Variants in LRBA observed in about 807,000 individuals in gnomAD.
LRBA encodes lipopolysaccharide-responsive and beige-like anchor protein.
A neutral mutation model predicts 330.0 loss-of-function variants in LRBA; 176 were observed. That is an observed-to-expected ratio of 0.53 (90% CI 0.47 to 0.60). The LOEUF (loss-of-function observed/expected upper bound fraction) is 0.60, where lower values mean the gene tolerates loss of function less well. Among genes scored for constraint, LRBA ranks in the 20% least tolerant of loss-of-function variants. The probability of loss-of-function intolerance (pLI) is 0.00; values close to 1 mark genes in which losing one functional copy is unlikely to be tolerated. For synonymous variants in LRBA, 1,230 were observed against 1,193.0 expected, an observed-to-expected ratio of 1.03 and a Z score of -0.64; for missense variants, 3,259 against 3,444.8, an observed-to-expected ratio of 0.95 and a Z score of 1.35.
chr4:150,314,286 T>C (rs1432762467), intron 51 of LRBA, among the ~76,000 whole-genome samples: 1 of 152,152 alleles, frequency 6.6e-6, no homozygotes, highest in Non-Finnish European at 1.5e-5. Context: ...TTTTAGTTTT[T>C]TTAATATATG....
chr4:150,283,430 C>T (rs912967322), intron 54 of LRBA, among the ~76,000 whole-genome samples: 1 of 152,144 alleles, frequency 6.6e-6, no homozygotes, highest in African/African-American at 2.4e-5. Flanking sequence ...GAATAAGGAA[C>T]AAAAATTGCT....
intron 2 of LRBA, among the ~76,000 whole-genome samples, chr4:150,929,305 T>TAG (rs1313130866): frequency 6.6e-6 from 1 of 152,182 alleles, no homozygotes; most frequent in East Asian, 1.9e-4. Context: ...TAGGATGTCT[T>TAG]AGGTAAATTG....
At chr4:150,800,672 C>T (rs1386727111) in intron 33 of LRBA, among the ~76,000 whole-genome samples, 1 of 152,192 alleles carries the variant, frequency 6.6e-6, no homozygotes, top group South Asian at 2.1e-4. Flanking sequence ...CACAAACACA[C>T]ACACCCTATT....
chr4:150,531,338 C>A (rs917023697), intron 40 of LRBA, among the ~76,000 whole-genome samples: 3 of 152,180 alleles, frequency 2.0e-5, no homozygotes, highest in African/African-American at 7.2e-5. Flanking sequence ...CCATTCCAGT[C>A]ACATTCCTCC....
intron 28 of LRBA, among the ~76,000 whole-genome samples, chr4:150,839,646 CA>C (rs1264823431): frequency 6.6e-6 from 1 of 152,136 alleles, no homozygotes; most frequent in African/African-American, 2.4e-5. Context: ...GACAAAAAAC[CA>C]AACACTGCAT....
intron 40 of LRBA, among the ~76,000 whole-genome samples, chr4:150,496,426 A>T (rs1269118766): frequency 6.6e-6 from 1 of 152,106 alleles, no homozygotes; most frequent in African/African-American, 2.4e-5. Flanking sequence ...AGGGATTTTT[A>T]AAAAGTAGAT....
intron 45 of LRBA, 59 bp from the exon 46 acceptor site, chr4:150,435,767 T>C: frequency 1.4e-6 from 2 of 1,410,484 alleles, no homozygotes; most frequent in South Asian, 2.7e-5. Context: ...ATGTGGTTTT[T>C]ATAAATTCTT....
intron 46 of LRBA, among the ~76,000 whole-genome samples, chr4:150,432,536 C>A (rs1415258715): frequency 7.2e-6 from 1 of 138,000 alleles, no homozygotes; most frequent in Non-Finnish European, 1.5e-5. Flanking sequence ...CGGCTCACTG[C>A]AAGCTCCGCC....
At chr4:151,012,957 G>A (rs1163158678) in intron 2 of LRBA, 1 of 151,966 alleles carries the variant, frequency 6.6e-6, no homozygotes, top group Non-Finnish European at 1.5e-5. Context: ...TAGAGATGGG[G>A]TTTCACCATG....
At chr4:150,475,261 T>C (rs562682151) in intron 42 of LRBA, among the ~76,000 whole-genome samples, 27 of 152,304 alleles carry the variant, frequency 1.8e-4, no homozygotes, top group African/African-American at 6.5e-4. Context: ...GTAATGTCTT[T>C]GTCTGGCAGT....
chr4:150,609,572 T>TCG (rs1470786298), intron 37 of LRBA, among the ~76,000 whole-genome samples: 1 of 152,220 alleles, frequency 6.6e-6, no homozygotes, highest in Non-Finnish European at 1.5e-5. Flanking sequence ...TGGTGCAAGA[T>TCG]TTCTTATTAC....
At chr4:150,974,365 T>C (rs1372622934) in intron 2 of LRBA, among the ~76,000 whole-genome samples, 2 of 152,168 alleles carry the variant, frequency 1.3e-5, no homozygotes, top group Non-Finnish European at 2.9e-5. Context: ...TTTGGATGAA[T>C]ACTAAACTGC....
intron 40 of LRBA, among the ~76,000 whole-genome samples, chr4:150,549,122 A>C (rs1320696834): frequency 2.6e-5 from 4 of 152,012 alleles, no homozygotes; most frequent in Admixed American, 2.6e-4. Flanking sequence ...AGATATATTT[A>C]ATACTTTTTA....
At position 150,634,964 on chromosome 4, in the gene LRBA, T is replaced by C. The variant is rs1385733492; in HGVS notation, c.5922-35833A>G. On this transcript the variant is annotated intron_variant, in intron 37 of 56. Coordinates refer to ENST00000651943, the MANE Select transcript of LRBA (RefSeq NM_001364905.1). Reference sequence around the variant, plus strand: ...GTGTAGGACAATTGAAGTTGACCTCTCAGGGAAAGGCAAGCATGCTATGTG... The same window carrying C: ...GTGTAGGACAATTGAAGTTGACCTCCCAGGGAAAGGCAAGCATGCTATGTG... Among the ~76,000 whole-genome samples the C allele has an allele frequency of 2.0e-5, 3 of 152,222 alleles. No homozygotes were observed. The South Asian group carries it at 6.2e-4, about 32-fold the overall frequency.
At chr4:150,734,793 C>T (rs1730975151) in intron 36 of LRBA, among the ~76,000 whole-genome samples, 2 of 152,194 alleles carry the variant, frequency 1.3e-5, no homozygotes, top group African/African-American at 4.8e-5. Flanking sequence ...CTCATTTCCT[C>T]AGCTACAAAT....
In LRBA at chr4:150,897,754, C is replaced by T; in HGVS notation, c.1989G>A (p.Lys663=). ...SLRAFLLMFI[K]QLVMKDSGVK... is the part of the protein sequence containing the mutation. ...GTGAACTCACCTTCATCACTAATTG[C>T]TTAATGAACATCAACAAGAATGCTC... The change falls in exon 15 of 57, where the codon AAG becomes AAA. Residue 663 remains lysine, a synonymous_variant. Coordinates refer to ENST00000651943, the MANE Select transcript of LRBA (RefSeq NM_001364905.1). The T allele has an allele frequency of 6.2e-7, 1 of 1,611,562 alleles. No individual in the cohort carries two copies. Among genetic ancestry groups the T allele is most frequent in the Non-Finnish European group, 8.5e-7 (1 of 1,178,140 alleles).
At chr4:150,483,409 T>C (rs1288411407) in intron 42 of LRBA, among the ~76,000 whole-genome samples, 1 of 151,946 alleles carries the variant, frequency 6.6e-6, no homozygotes, top group Non-Finnish European at 1.5e-5. Flanking sequence ...AGTCTTTTGT[T>C]TTTTTTTCTC....
chr4:151,007,074 T>G (rs1009830775), intron 2 of LRBA, among the ~76,000 whole-genome samples: 2 of 152,216 alleles, frequency 1.3e-5, no homozygotes, highest in Non-Finnish European at 2.9e-5. Flanking sequence ...AAAAGGCAAT[T>G]TGGTACTGGT....
intron 37 of LRBA, among the ~76,000 whole-genome samples, chr4:150,673,439 C>T (rs1188674671): frequency 6.6e-6 from 1 of 152,084 alleles, no homozygotes; most frequent in Non-Finnish European, 1.5e-5. Context: ...ATAAGGAAAA[C>T]TCATAACAGG....
Sources: gnomAD v4.1 joint callset for allele counts (sites outside exome capture counted in the v4.1 genomes callset) on GRCh38, gnomAD v4.1.1 for gene constraint, MANE v1.5 for transcripts, NCBI Gene and HGNC (gene_info 2026-07-23, HGNC 2026-07-21) for gene names.